The following MALRD1 variants were observed in gnomAD, a reference collection of about 807,000 sequenced individuals.
The protein encoded by MALRD1 is MAM and LDL-receptor class A domain-containing protein 1.
MALRD1 carries 247 observed loss-of-function variants against 242.1 expected under a neutral mutation model. The observed-to-expected ratio is 1.02, with a 90% CI of 0.92 to 1.13. The LOEUF is 1.13. Ranked by LOEUF, MALRD1 falls within the 50% of genes most tolerant of loss-of-function variation. The pLI is 0.00. For synonymous variants in MALRD1, 995 were observed against 866.6 expected (o/e 1.15, Z -2.60); for missense variants, 2,989 against 2,533.1 (o/e 1.18, Z -3.86).
chr10:19,080,794 T>C (rs762732633), intron 2 of MALRD1, among the ~76,000 whole-genome samples: 7 of 152,062 alleles, frequency 4.6e-5, no homozygotes, highest in Non-Finnish European at 7.4e-5. Flanking sequence ...AAAGAGATTC[T>C]GCACAGCAAA....
chr10:19,445,612 G>A (rs929363570), intron 28 of MALRD1, among the ~76,000 whole-genome samples: 2 of 152,210 alleles, frequency 1.3e-5, no homozygotes, highest in African/African-American at 4.8e-5. Flanking sequence ...GGAGGCTGCA[G>A]AACAGCAAAT....
chr10:19,401,184 T>C (rs1387654687), intron 28 of MALRD1, among the ~76,000 whole-genome samples: 5 of 152,160 alleles, frequency 3.3e-5, no homozygotes, highest in Admixed American at 6.6e-5. Context: ...AAAATAAGCA[T>C]TTATTCTACC....
At position 19,266,893 on chromosome 10, in the gene MALRD1, T is replaced by A. The variant is rs376371236; in HGVS notation, c.3079+9122T>A. ...CATTAGATATAGGAATGATGATTCC[T>A]TATATCTTGAATCAGATCTTCAGAT... On this transcript the variant is annotated intron_variant, in intron 19 of 39. Coordinates refer to ENST00000454679, the MANE Select transcript of MALRD1 (RefSeq NM_001142308.3). Among the ~76,000 whole-genome samples the A allele has an allele frequency of 5.9e-5, 9 of 152,150 alleles. No homozygotes were observed. The East Asian group carries it at 1.3e-3, about 23-fold the overall frequency.
intron 29 of MALRD1, among the ~76,000 whole-genome samples, chr10:19,463,786 A>T (rs201756063): frequency 8.3e-4 from 127 of 152,194 alleles, no homozygotes; most frequent in African/African-American, 2.9e-3. Context: ...TTTAAGGACT[A>T]TTCACACTGT....
In MALRD1 at chr10:19,344,683, G is replaced by T. The variant is rs1294156849; in HGVS notation, c.3902-3088G>T. On this transcript the variant is annotated intron_variant, in intron 24 of 39. Transcript: ENST00000454679. ...TAAAAATATATATCTACAAGTTATG[G>T]AACTTTGATAAAAATTGCATTTAAT... Among the ~76,000 whole-genome samples the T allele has an allele frequency of 2.7e-5, 4 of 147,848 alleles. 1 individual carries two copies. Among genetic ancestry groups the T allele is most frequent in the Non-Finnish European group, 6.0e-5 (4 of 66,872 alleles).
intron 21 of MALRD1, among the ~76,000 whole-genome samples, chr10:19,288,713 T>C (rs993124467): frequency 6.6e-6 from 1 of 152,128 alleles, no homozygotes; most frequent in Non-Finnish European, 1.5e-5. Context: ...CCTCCTCTCA[T>C]TCTGATGATT....
chr10:19,533,723 C>G (rs1205091008), intron 32 of MALRD1, among the ~76,000 whole-genome samples: 1 of 152,132 alleles, frequency 6.6e-6, no homozygotes, highest in African/African-American at 2.4e-5. Context: ...AAGACAGCAT[C>G]CAGCCATGAC....
intron 1 of MALRD1, among the ~76,000 whole-genome samples, chr10:19,049,770 A>T (rs1834430324): frequency 1.3e-5 from 2 of 152,172 alleles, no homozygotes; most frequent in Non-Finnish European, 2.9e-5. Context: ...AGATAAAGCA[A>T]CTCTCACAGG....
intron 1 of MALRD1, among the ~76,000 whole-genome samples, chr10:19,059,231 AC>A (rs1253434079): frequency 6.6e-6 from 1 of 152,188 alleles, no homozygotes; most frequent in East Asian, 1.9e-4. Flanking sequence ...AACCATGATT[AC>A]CCATCAATAT....
intron 19 of MALRD1, among the ~76,000 whole-genome samples, chr10:19,270,336 T>TCA (rs200537040): frequency 0.025 from 3,319 of 130,908 alleles, 80 homozygotes; most frequent in East Asian, 0.14. Context: ...TCTCTCTCTC[T>TCA]CACACACACA....
chr10:19,231,206 A>C (rs769255258), intron 18 of MALRD1, among the ~76,000 whole-genome samples: 1 of 152,166 alleles, frequency 6.6e-6, no homozygotes, highest in Non-Finnish European at 1.5e-5. Flanking sequence ...CCAACTCTGA[A>C]GGGTCACCCC....
intron 36 of MALRD1, among the ~76,000 whole-genome samples, chr10:19,616,176 TACTC>T (rs569208933): frequency 5.8e-4 from 89 of 152,156 alleles, no homozygotes; most frequent in African/African-American, 1.9e-3. Context: ...ATTTTAATAA[TACTC>T]ACTATTCCTT....
chr10:19,383,634 T>A (rs191739214), intron 26 of MALRD1, among the ~76,000 whole-genome samples: 2 of 152,252 alleles, frequency 1.3e-5, no homozygotes, highest in East Asian at 3.9e-4. Context: ...GTCTATTACA[T>A]GTTAACTAAT....
chr10:19,606,434 G>A (rs1838627409), intron 34 of MALRD1, among the ~76,000 whole-genome samples: 1 of 152,138 alleles, frequency 6.6e-6, no homozygotes, highest in Non-Finnish European at 1.5e-5. Flanking sequence ...TGGGTTAAGT[G>A]CAAGACAGTT....
intron 32 of MALRD1, among the ~76,000 whole-genome samples, chr10:19,553,503 AC>A (rs1192659281): frequency 6.6e-5 from 10 of 152,114 alleles, no homozygotes; most frequent in Admixed American, 6.6e-4. Flanking sequence ...AAAATTTTAT[AC>A]TTTTCATAAC....
At position 19,182,324 on chromosome 10, in the gene MALRD1, ATT is replaced by A. The variant is rs34790120; in HGVS notation, c.1951+7019_1951+7020del. On this transcript the variant is annotated intron_variant, in intron 14 of 39. Transcript: ENST00000454679. ...AACACAGTCTGCCTCCAAAACCTAC[ATT>A]TTTTTTTTTTTTTTTTTTTTTTGAG... Among the ~76,000 whole-genome samples, 32 of 81,958 alleles carry A rather than the reference ATT, an allele frequency of 3.9e-4. No homozygotes were observed. The South Asian group carries it at 9.0e-3, about 23-fold the overall frequency. 53.8% of individuals were successfully genotyped at this position (81,958 alleles called of 152,430 possible). A position where few individuals can be genotyped will look rare whatever the true frequency, so the allele number is the denominator to read the frequency against.
At chr10:19,715,050 G>A (rs2478746) in intron 38 of MALRD1, among the ~76,000 whole-genome samples, 89,937 of 151,896 alleles carry the variant, frequency 0.59, 27,401 homozygotes, top group African/African-American at 0.74. Context: ...AAATATGTAC[G>A]TGCACTCTTT....
At chr10:19,413,598 A>T (rs145994346) in intron 28 of MALRD1, among the ~76,000 whole-genome samples, 50 of 151,626 alleles carry the variant, frequency 3.3e-4, no homozygotes, top group African/African-American at 1.2e-3. Context: ...TTAATTTATT[A>T]CCTCCCAATC....
chr10:19,258,133 C>A (rs949008920), intron 19 of MALRD1, among the ~76,000 whole-genome samples: 1 of 152,038 alleles, frequency 6.6e-6, no homozygotes, highest in Non-Finnish European at 1.5e-5. Flanking sequence ...GGATTACTCT[C>A]GGGAGGCACT....
Sources: gnomAD v4.1 joint callset for allele counts (sites outside exome capture counted in the v4.1 genomes callset) on GRCh38, gnomAD v4.1.1 for gene constraint, MANE v1.5 for transcripts, NCBI Gene and HGNC (gene_info 2026-07-23, HGNC 2026-07-21) for gene names.